BAZ2B: variants seen among roughly 807,000 people sequenced by gnomAD.
BAZ2B encodes bromodomain adjacent to zinc finger domain 2B, also known as bromodomain adjacent to zinc finger domain protein 2B.
A neutral mutation model predicts 246.0 loss-of-function variants in BAZ2B; 91 were observed. That is an observed-to-expected ratio of 0.37 (90% CI 0.31 to 0.44). BAZ2B has a LOEUF of 0.44. BAZ2B is among the 20% of genes least tolerant of loss of function. The pLI is 1.00. For missense variants in BAZ2B, 2,332 were observed against 2,533.7 expected (o/e 0.92, Z 1.71); for synonymous variants, 855 against 860.0 (o/e 0.99, Z 0.10).
At chr2:159,325,377 T>TG in intron 35 of BAZ2B, among the ~76,000 whole-genome samples, 1 of 151,268 alleles carries the variant, frequency 6.6e-6, no homozygotes, top group East Asian at 2.0e-4. Flanking sequence ...GTGACCCACC[T>TG]GTCTTGACCT....
chr2:159,538,281 T>C (rs931013177), intron 2 of BAZ2B, among the ~76,000 whole-genome samples: 39 of 152,242 alleles, frequency 2.6e-4, no homozygotes, highest in Non-Finnish European at 8.8e-5. Context: ...GATCTTCACC[T>C]GAAATTCTGC....
intron 25 of BAZ2B, among the ~76,000 whole-genome samples, chr2:159,377,812 CAAA>C (rs35570732): frequency 1.5e-4 from 14 of 94,152 alleles, no homozygotes; most frequent in African/African-American, 1.2e-4. Context: ...ACTCTGTCTC[CAAA>C]AAAAAAAAAA....
At chr2:159,612,068 CAAT>C (rs1303712927) in intron 1 of BAZ2B, among the ~76,000 whole-genome samples, 6 of 151,736 alleles carry the variant, frequency 4.0e-5, no homozygotes, top group Non-Finnish European at 7.4e-5. Flanking sequence ...AAAGTTATAA[CAAT>C]AAAAATATAA....
At chr2:159,324,458 C>T (rs565096753) in intron 36 of BAZ2B, among the ~76,000 whole-genome samples, 3 of 152,062 alleles carry the variant, frequency 2.0e-5, no homozygotes, top group Admixed American at 6.5e-5. Flanking sequence ...ATACAAATTC[C>T]GGCTTATATG....
At chr2:159,324,249 A>G (rs2063131182) in intron 36 of BAZ2B, among the ~76,000 whole-genome samples, 1 of 152,220 alleles carries the variant, frequency 6.6e-6, no homozygotes, top group African/African-American at 2.4e-5. Flanking sequence ...CAAAGAGAAT[A>G]TGGTAGAGAA....
chr2:159,389,670 T>G (rs2302925), intron 20 of BAZ2B, among the ~76,000 whole-genome samples, 185 bp from the exon 21 acceptor site: 64,323 of 151,960 alleles, frequency 0.42, 13,736 homozygotes, highest in South Asian at 0.57. Flanking sequence ...TATTTTGTTA[T>G]TCAAAATTTG....
chr2:159,385,065 T>G lies in BAZ2B; in HGVS notation c.3686+90A>C, dbSNP rs1027650838. 3 of 1,359,894 alleles carry G rather than the reference T, an allele frequency of 2.2e-6. No homozygotes were observed. The African/African-American group carries it at 4.4e-5, about 20-fold the overall frequency. The allele number at this position is 1,359,894 out of a possible 1,614,324, so 84.2% of individuals were successfully genotyped here. A position where few individuals can be genotyped will look rare whatever the true frequency, so the allele number is the denominator to read the frequency against. Reference sequence around the variant, plus strand: ...TTTCTTCTTTGTGCTAGTCTGTAACTTTCCAATTTTCTATAATCAATTTGT... The same window carrying G: ...TTTCTTCTTTGTGCTAGTCTGTAACGTTCCAATTTTCTATAATCAATTTGT... On this transcript the variant is annotated intron_variant, in intron 23 of 36. Coordinates refer to ENST00000392783, the MANE Select transcript of BAZ2B (RefSeq NM_013450.4).
intron 1 of BAZ2B, among the ~76,000 whole-genome samples, chr2:159,597,554 T>C (rs571031629): frequency 2.0e-5 from 3 of 152,082 alleles, no homozygotes. Flanking sequence ...TTTGGTGGAG[T>C]CTTGCTCCGT....
chr2:159,700,603 G>A, the BAZ2B span, among the ~76,000 whole-genome samples: 6 of 152,004 alleles, frequency 3.9e-5, no homozygotes, highest in East Asian at 1.9e-4. Context: ...GTGCCACCAC[G>A]CCTGGCTAAT....
chr2:159,592,187 A>C (rs1334021523), intron 1 of BAZ2B, among the ~76,000 whole-genome samples: 1 of 152,252 alleles, frequency 6.6e-6, no homozygotes, highest in Non-Finnish European at 1.5e-5. Context: ...TGAATCTTTC[A>C]TATAGATATA....
intron 1 of BAZ2B, among the ~76,000 whole-genome samples, chr2:159,571,114 A>G (rs1173423173): frequency 6.6e-6 from 1 of 152,202 alleles, no homozygotes; most frequent in East Asian, 1.9e-4. Flanking sequence ...TTGGCCTACC[A>G]AAGTGCTGGG....
chr2:159,505,487 A>C (rs78237703), intron 2 of BAZ2B, among the ~76,000 whole-genome samples: 5,562 of 152,298 alleles, frequency 0.037, 347 homozygotes, highest in African/African-American at 0.13. Context: ...TAGAGCTTTT[A>C]TAAGCTTCAC....
At chr2:159,526,890 C>T (rs950322026) in intron 2 of BAZ2B, among the ~76,000 whole-genome samples, 2 of 150,996 alleles carry the variant, frequency 1.3e-5, no homozygotes, top group African/African-American at 4.9e-5. Context: ...CATTCTATCA[C>T]CCATGCTGGA....
intron 2 of BAZ2B, among the ~76,000 whole-genome samples, chr2:159,495,622 A>C (rs2081029567): frequency 6.6e-6 from 1 of 151,738 alleles, no homozygotes; most frequent in African/African-American, 2.4e-5. Context: ...ACATTATATA[A>C]TTTTAATTAT....
At chr2:159,402,252 C>A (rs1013738365) in intron 16 of BAZ2B, among the ~76,000 whole-genome samples, 3 of 152,034 alleles carry the variant, frequency 2.0e-5, no homozygotes, top group Non-Finnish European at 2.9e-5. Flanking sequence ...GTTCGAGAAA[C>A]AAACAGTGCT....
At chr2:159,372,700 T>C (rs2060983564) in intron 27 of BAZ2B, among the ~76,000 whole-genome samples, 1 of 152,198 alleles carries the variant, frequency 6.6e-6, no homozygotes, top group Non-Finnish European at 1.5e-5. Flanking sequence ...TGTATGCTTA[T>C]TGTAAAAGAA....
intron 13 of BAZ2B, among the ~76,000 whole-genome samples, chr2:159,424,686 C>G (rs1473384759): frequency 6.6e-6 from 1 of 152,086 alleles, no homozygotes; most frequent in African/African-American, 2.4e-5. Context: ...TATCCAGGAC[C>G]TCCCTCTATG....
chr2:159,568,198 T>C (rs1683101895), intron 1 of BAZ2B, among the ~76,000 whole-genome samples: 1 of 152,142 alleles, frequency 6.6e-6, no homozygotes, highest in South Asian at 2.1e-4. Flanking sequence ...TGAATTCTCT[T>C]CCTCCTCACC....
At chr2:159,397,287 G>A in intron 19 of BAZ2B, 58 bp downstream of exon 19, 4 of 1,362,932 alleles carry the variant, frequency 2.9e-6, no homozygotes, top group East Asian at 4.7e-5. Flanking sequence ...CCCCAAATAG[G>A]TTTAAGCAAT....
Sources: allele counts gnomAD v4.1 joint callset (sites outside exome capture counted in the v4.1 genomes callset), GRCh38; gene constraint gnomAD v4.1.1; transcripts MANE v1.5; gene names NCBI Gene and HGNC (gene_info 2026-07-23, HGNC 2026-07-21).